Variants in APELA observed in about 807,000 individuals in gnomAD.
APELA encodes apelin receptor early endogenous ligand, also known as protein Elabela.
rs2111073303 is a variant in APELA at position 164,896,383 on chromosome 4, G to T, written c.*969G>T. 6.6e-6 allele frequency: 1 copy of T among 152,286 alleles called. No individual in the cohort carries two copies. The highest frequency in any genetic ancestry group is 6.5e-5 in the Admixed American group (1 of 15,294). 9.4% of individuals were successfully genotyped at this position (152,286 alleles called of 1,614,324 possible). A position where few individuals can be genotyped will look rare whatever the true frequency, so the allele number is the denominator to read the frequency against. On this transcript the variant is annotated 3_prime_UTR_variant, in exon 3 of 3. Coordinates refer to ENST00000507152, the MANE Select transcript of APELA (RefSeq NM_001297550.2). ...ATGTAATTATAGGAACCCAACGTTT[G>T]ATTTCCTTTGAAGTTTTGTTATGTC...
At chr4:164,884,112 A>AG (rs1308189590) in intron 2 of APELA, among the ~76,000 whole-genome samples, 1 of 27,572 alleles carries the variant, frequency 3.6e-5, no homozygotes, top group Non-Finnish European at 7.1e-5. Flanking sequence ...AATGAAAGAA[A>AG]GAAAGAAAGA....
In APELA at chr4:164,896,683, TAA is replaced by T. The variant is rs1449760106; in HGVS notation, c.*1270_*1271del. ...TGATAACTAGGTGTTCCCCAGATGCTAAGATGTTCTTAATTTGTATTTATTGA... is the reference window on the plus strand; with the variant it reads ...TGATAACTAGGTGTTCCCCAGATGCTGATGTTCTTAATTTGTATTTATTGA... On this transcript the variant is annotated 3_prime_UTR_variant, in exon 3 of 3. Transcript: ENST00000507152. 1 of 152,224 alleles carries T rather than the reference TAA, an allele frequency of 6.6e-6. No individual in the cohort carries two copies. Among genetic ancestry groups the T allele is most frequent in the Non-Finnish European group, 1.5e-5 (1 of 68,034 alleles). 9.4% of individuals were successfully genotyped at this position (152,224 alleles called of 1,614,324 possible). A position where few individuals can be genotyped will look rare whatever the true frequency, so the allele number is the denominator to read the frequency against.
At chr4:164,889,166 G>A (rs1730834534) in intron 2 of APELA, among the ~76,000 whole-genome samples, 1 of 151,424 alleles carries the variant, frequency 6.6e-6, no homozygotes, top group Admixed American at 6.6e-5. Flanking sequence ...AGTAACCTCG[G>A]TGAGGGTGGG....
rs758157733 is a variant in APELA at position 164,883,484 on chromosome 4, C to CTTTTTTTTTTTTTTTTTTTT, written c.*1+4480_*1+4481insTTTTTTTTTTTTTTTTTTTT. 3.1e-5 allele frequency among the ~76,000 whole-genome samples: 4 copies of CTTTTTTTTTTTTTTTTTTTT among 129,368 alleles called. 2 individuals are homozygous for CTTTTTTTTTTTTTTTTTTTT. The highest frequency in any genetic ancestry group is 1.3e-4 in the African/African-American group (4 of 30,920). 84.9% of individuals were successfully genotyped at this position (129,368 alleles called of 152,430 possible). On this transcript the variant is annotated intron_variant, in intron 2 of 2. Coordinates refer to ENST00000507152, the MANE Select transcript of APELA (RefSeq NM_001297550.2). ...CTTTTATGTTCCCTTTCTAGTCTTT[C>CTTTTTTTTTTTTTTTTTTTT]TTTTTCTTTTTTTTTTTTTTTGAGA...
chr4:164,883,484 C>CTTTTT lies in APELA; in HGVS notation c.*1+4476_*1+4480dup, dbSNP rs758157733. 1.0e-3 allele frequency among the ~76,000 whole-genome samples: 135 copies of CTTTTT among 129,346 alleles called. 4 individuals are homozygous for CTTTTT. The highest frequency in any genetic ancestry group is 1.4e-3 in the African/African-American group (43 of 30,954). 84.9% of individuals were successfully genotyped at this position (129,346 alleles called of 152,430 possible). A position where few individuals can be genotyped will look rare whatever the true frequency, so the allele number is the denominator to read the frequency against. ...CTTTTATGTTCCCTTTCTAGTCTTTCTTTTTCTTTTTTTTTTTTTTTGAGA... is the reference window on the plus strand; with the variant it reads ...CTTTTATGTTCCCTTTCTAGTCTTTCTTTTTTTTTTCTTTTTTTTTTTTTTTGAGA... On this transcript the variant is annotated intron_variant, in intron 2 of 2. Coordinates refer to ENST00000507152, the MANE Select transcript of APELA (RefSeq NM_001297550.2).
intron 2 of APELA, 30 bp from the exon 3 acceptor site, chr4:164,895,386 A>G (rs1339468944): frequency 2.6e-5 from 4 of 152,152 alleles, no homozygotes; most frequent in African/African-American, 7.2e-5. Context: ...TCTTTGATGT[A>G]TTTGTTTCTC....
At chr4:164,893,718 T>TC (rs1730921594) in intron 2 of APELA, among the ~76,000 whole-genome samples, 1 of 152,194 alleles carries the variant, frequency 6.6e-6, no homozygotes, top group African/African-American at 2.4e-5. Context: ...AATATGCCTT[T>TC]GCAAAGAACC....
intron 2 of APELA, among the ~76,000 whole-genome samples, chr4:164,892,345 C>A (rs1730898745): frequency 6.6e-6 from 1 of 152,004 alleles, no homozygotes; most frequent in Non-Finnish European, 1.5e-5. Context: ...TACAGAAAAC[C>A]AAATATATAT....
intron 2 of APELA, among the ~76,000 whole-genome samples, chr4:164,882,265 G>A (rs114781362): frequency 0.11 from 16,436 of 151,878 alleles, 942 homozygotes; most frequent in Middle Eastern, 0.14. Context: ...CACCATACTC[G>A]GCTAATTTTG....
intron 2 of APELA, among the ~76,000 whole-genome samples, chr4:164,890,753 T>C (rs1452023826): frequency 1.3e-5 from 2 of 152,162 alleles, no homozygotes; most frequent in Non-Finnish European, 1.5e-5. Context: ...TCTCTGGGAA[T>C]TAAAAGAGAG....
chr4:164,881,872 CAAA>C (rs11340116), intron 2 of APELA, among the ~76,000 whole-genome samples: 5 of 139,810 alleles, frequency 3.6e-5, no homozygotes, highest in African/African-American at 5.3e-5. Context: ...TTGTCTCTAC[CAAA>C]AAAAAAAAAA....
chr4:164,891,297 A>G (rs956497407), intron 2 of APELA, among the ~76,000 whole-genome samples: 1 of 152,148 alleles, frequency 6.6e-6, no homozygotes, highest in Non-Finnish European at 1.5e-5. Flanking sequence ...TTAAAAAATA[A>G]TCGAAGGTCA....
intron 2 of APELA, among the ~76,000 whole-genome samples, chr4:164,883,977 A>C (rs1456762420): frequency 6.6e-6 from 1 of 151,516 alleles, no homozygotes; most frequent in Non-Finnish European, 1.5e-5. Context: ...GAGGAGGAGA[A>C]GAAATAAAAA....
Position 164,896,823 on chromosome 4 carries a change from A to G in APELA, c.*1409A>G, listed in dbSNP as rs995779624. On this transcript the variant is annotated 3_prime_UTR_variant, in exon 3 of 3. Coordinates refer to ENST00000507152, the MANE Select transcript of APELA (RefSeq NM_001297550.2). ...TTTTTTTAAGATGAGATCTGGCTCTATCACCCAGGCTAAAGTGCAGTGGCA... is the reference window on the plus strand; with the variant it reads ...TTTTTTTAAGATGAGATCTGGCTCTGTCACCCAGGCTAAAGTGCAGTGGCA... The G allele has an allele frequency of 2.6e-5, 4 of 151,910 alleles. No individual in the cohort carries two copies. The highest frequency in any genetic ancestry group is 5.9e-5 in the Non-Finnish European group (4 of 68,004). 9.4% of individuals were successfully genotyped at this position (151,910 alleles called of 1,614,324 possible).
chr4:164,898,313 C>G (rs1731014826), downstream of APELA, among the ~76,000 whole-genome samples: 1 of 151,258 alleles, frequency 6.6e-6, no homozygotes, highest in African/African-American at 2.4e-5. Flanking sequence ...ACCAGCCTGA[C>G]CAACATGGAG....
downstream of APELA, among the ~76,000 whole-genome samples, chr4:164,898,223 C>T (rs565716208): frequency 1.7e-4 from 26 of 150,196 alleles, no homozygotes; most frequent in Non-Finnish European, 3.6e-4. Context: ...TCTTTGTGGC[C>T]GGGCGTGGTG....
At chr4:164,894,242 TTGAACCC>T (rs1458758083) in intron 2 of APELA, among the ~76,000 whole-genome samples, 2 of 152,076 alleles carry the variant, frequency 1.3e-5, no homozygotes, top group African/African-American at 4.8e-5. Context: ...GGAGAATCAT[TTGAACCC>T]AGGAAGTGAA....
intron 2 of APELA, 53 bp from the exon 3 acceptor site, chr4:164,895,363 G>A (rs1218671238): frequency 1.3e-5 from 2 of 152,086 alleles, no homozygotes; most frequent in Non-Finnish European, 2.9e-5. Flanking sequence ...TTATTGGTGT[G>A]CTGGATAGTA....
chr4:164,883,586 A>G (rs1730702205), intron 2 of APELA, among the ~76,000 whole-genome samples: 1 of 149,624 alleles, frequency 6.7e-6, no homozygotes, highest in South Asian at 2.1e-4. Flanking sequence ...TCTCAGGCTC[A>G]AGTTATCCTC....
Sources: gnomAD v4.1 joint callset for allele counts (sites outside exome capture counted in the v4.1 genomes callset) on GRCh38, gnomAD v4.1.1 for gene constraint, MANE v1.5 for transcripts, NCBI Gene and HGNC (gene_info 2026-07-23, HGNC 2026-07-21) for gene names.